The following MECOM variants were observed in gnomAD, a reference collection of about 807,000 sequenced individuals.
The protein encoded by MECOM is MDS1 and EVI1 complex locus.
In MECOM, 13 loss-of-function variants were observed where a neutral mutation model predicts 116.3. That is an observed-to-expected ratio of 0.11 (90% CI 0.07 to 0.18). The LOEUF (loss-of-function observed/expected upper bound fraction) is 0.18, where lower values mean the gene tolerates loss of function less well. Ranked by LOEUF, MECOM falls within the 10% of genes least tolerant of loss-of-function variation. The probability of loss-of-function intolerance (pLI) is 1.00; values close to 1 mark genes in which losing one functional copy is unlikely to be tolerated. For missense variants in MECOM, 1,299 were observed against 1,509.0 expected (o/e 0.86, Z 2.31); for synonymous variants, 528 against 535.2 (o/e 0.99, Z 0.19).
At chr3:169,621,489 G>A (rs999267685) in intron 1 of MECOM, among the ~76,000 whole-genome samples, 1 of 152,154 alleles carries the variant, frequency 6.6e-6, no homozygotes, top group Non-Finnish European at 1.5e-5. Context: ...GGGCACGGTG[G>A]CTCACACCTG....
intron 1 of MECOM, among the ~76,000 whole-genome samples, chr3:169,659,479 A>G: frequency 1.1e-5 from 1 of 94,968 alleles, no homozygotes; most frequent in South Asian, 3.2e-4. Context: ...TTTTTGCAAA[A>G]CACATCAAAA....
chr3:169,339,889 A>G (rs1364839925), intron 2 of MECOM, among the ~76,000 whole-genome samples: 1 of 152,158 alleles, frequency 6.6e-6, no homozygotes, highest in Non-Finnish European at 1.5e-5. Context: ...AGTCAAATAT[A>G]TGATGTGGGG....
At chr3:169,113,892 G>A (rs1728254676) in intron 8 of MECOM, among the ~76,000 whole-genome samples, 1 of 151,982 alleles carries the variant, frequency 6.6e-6, no homozygotes, top group Non-Finnish European at 1.5e-5. Flanking sequence ...ACCCAAGTCT[G>A]ACACTAAAAC....
At position 169,397,212 on chromosome 3, in the gene MECOM, A is replaced by G. The variant is rs9872901; in HGVS notation, c.38-15688T>C. Among the ~76,000 whole-genome samples, 1,271 of 152,290 alleles carry G rather than the reference A, an allele frequency of 8.3e-3. 17 individuals are homozygous for G. Among genetic ancestry groups the G allele is most frequent in the African/African-American group, 0.029 (1,221 of 41,566 alleles). On this transcript the variant is annotated intron_variant, in intron 1 of 16. Transcript: ENST00000651503. ...AACACTTGTTGAAACCAAATGTAGA[A>G]CAAGATCAACATAGTCATTGACATG...
chr3:169,518,916 G>T (rs912658432), intron 1 of MECOM, among the ~76,000 whole-genome samples: 1 of 152,066 alleles, frequency 6.6e-6, no homozygotes, highest in Non-Finnish European at 1.5e-5. Context: ...GCTCCTCCTT[G>T]CCTTCTGCCA....
intron 2 of MECOM, among the ~76,000 whole-genome samples, chr3:169,162,656 C>T (rs528027654): frequency 2.0e-5 from 3 of 152,254 alleles, no homozygotes; most frequent in South Asian, 2.1e-4. Context: ...ATCATCCTCA[C>T]GTAATCATCC....
chr3:169,433,691 G>GAAAGAAAGAAAGAA (rs1560269020), intron 1 of MECOM, among the ~76,000 whole-genome samples: 81 of 122,018 alleles, frequency 6.6e-4, no homozygotes, highest in African/African-American at 2.2e-3. Flanking sequence ...GAAAGAAAGA[G>GAAAGAAAGAAAGAA]AAAGAAAGAA....
chr3:169,211,116 G>T (rs1480881597), intron 2 of MECOM, among the ~76,000 whole-genome samples: 1 of 151,930 alleles, frequency 6.6e-6, no homozygotes, highest in Non-Finnish European at 1.5e-5. Flanking sequence ...TTTTTTCATT[G>T]CCCTTGGATA....
At chr3:169,661,748 C>A (rs1334779740) in intron 1 of MECOM, among the ~76,000 whole-genome samples, 2 of 152,196 alleles carry the variant, frequency 1.3e-5, no homozygotes, top group Non-Finnish European at 2.9e-5. Flanking sequence ...AGCAAGGAGG[C>A]GTGGATACGA....
chr3:169,294,632 A>C (rs562592724), intron 2 of MECOM, among the ~76,000 whole-genome samples: 224 of 152,214 alleles, frequency 1.5e-3, no homozygotes, highest in Non-Finnish European at 2.8e-3. Context: ...ATACAGCTCA[A>C]GGCTTATCAG....
At chr3:169,454,395 A>G (rs1273142954) in intron 1 of MECOM, among the ~76,000 whole-genome samples, 3 of 151,180 alleles carry the variant, frequency 2.0e-5, no homozygotes, top group Non-Finnish European at 4.4e-5. Context: ...TTCAGGAAAA[A>G]AAAAAAAAAA....
intron 2 of MECOM, among the ~76,000 whole-genome samples, chr3:169,252,899 A>G (rs1577475895): frequency 6.6e-6 from 1 of 152,174 alleles, no homozygotes; most frequent in African/African-American, 2.4e-5. Flanking sequence ...CCAAAACCAT[A>G]TTTTGCCAAG....
intron 1 of MECOM, among the ~76,000 whole-genome samples, chr3:169,572,165 C>T (rs1013861434): frequency 6.6e-6 from 1 of 152,094 alleles, no homozygotes; most frequent in Non-Finnish European, 1.5e-5. Context: ...ACAACCCCAT[C>T]AAAAAGTGGA....
intron 2 of MECOM, among the ~76,000 whole-genome samples, chr3:169,202,197 C>T (rs1352511722): frequency 1.3e-5 from 2 of 152,046 alleles, no homozygotes; most frequent in Admixed American, 1.3e-4. Context: ...AAAGTGAAGA[C>T]AAAAAATATA....
chr3:169,133,187 C>A (rs747793606), intron 3 of MECOM, among the ~76,000 whole-genome samples: 2 of 151,938 alleles, frequency 1.3e-5, no homozygotes, highest in Non-Finnish European at 2.9e-5. Context: ...AGAATATATT[C>A]TTAGAAGATA....
chr3:169,647,562 A>C (rs1196714156), intron 1 of MECOM, among the ~76,000 whole-genome samples: 1 of 152,196 alleles, frequency 6.6e-6, no homozygotes, highest in Non-Finnish European at 1.5e-5. Context: ...ACCAAAAAAA[A>C]ATATGCATCT....
intron 2 of MECOM, among the ~76,000 whole-genome samples, chr3:169,336,274 G>A (rs1164106037): frequency 1.3e-5 from 2 of 151,960 alleles, no homozygotes; most frequent in African/African-American, 4.8e-5. Flanking sequence ...CTTCTGGGGG[G>A]CCAAATGAAG....
At chr3:169,520,492 C>T (rs145228281) in intron 1 of MECOM, among the ~76,000 whole-genome samples, 44 of 152,296 alleles carry the variant, frequency 2.9e-4, no homozygotes, top group African/African-American at 1.0e-3. Flanking sequence ...GGGATGGAGG[C>T]TATCTTTCCC....
At chr3:169,214,864 C>T (rs954423166) in intron 2 of MECOM, among the ~76,000 whole-genome samples, 9 of 147,234 alleles carry the variant, frequency 6.1e-5, no homozygotes, top group African/African-American at 2.2e-4. Flanking sequence ...TTATATATAT[C>T]TAAATATCTA....
Sources: allele counts gnomAD v4.1 joint callset (sites outside exome capture counted in the v4.1 genomes callset), GRCh38; gene constraint gnomAD v4.1.1; transcripts MANE v1.5; gene names NCBI Gene and HGNC (gene_info 2026-07-23, HGNC 2026-07-21).